The following STK39 variants were observed in gnomAD, a reference collection of about 807,000 sequenced individuals.
STK39 encodes the protein serine/threonine kinase 39, also known as STE20/SPS1-related proline-alanine-rich protein kinase.
STK39 carries 20 observed loss-of-function variants against 77.8 expected under a neutral mutation model. The observed-to-expected ratio is 0.26, with a 90% CI of 0.18 to 0.37. The LOEUF (loss-of-function observed/expected upper bound fraction) is 0.37. STK39 is among the 10% of genes least tolerant of loss of function. The pLI is 1.00. For missense variants in STK39, 479 were observed against 656.5 expected (o/e 0.73, Z 2.95); for synonymous variants, 246 against 234.1 (o/e 1.05, Z -0.47).
At chr2:168,135,104 G>C (rs1339663249) in intron 8 of STK39, among the ~76,000 whole-genome samples, 1 of 151,908 alleles carries the variant, frequency 6.6e-6, no homozygotes, top group Non-Finnish European at 1.5e-5. Context: ...AGGATAAGTG[G>C]CACAGGTTCT....
chr2:168,211,695 AC>A (rs1689895428), intron 1 of STK39, among the ~76,000 whole-genome samples: 1 of 152,228 alleles, frequency 6.6e-6, no homozygotes, highest in African/African-American at 2.4e-5. Context: ...GCCCTGTCTT[AC>A]GTCTCTGAGG....
At chr2:168,012,577 A>G (rs1684297849) in intron 16 of STK39, 57 bp downstream of exon 16, 1 of 1,452,426 alleles carries the variant, frequency 6.9e-7, no homozygotes. Flanking sequence ...TTGCTTCCAA[A>G]CACATTTCCA....
chr2:168,217,623 T>C (rs1690058309), intron 1 of STK39, among the ~76,000 whole-genome samples: 1 of 152,210 alleles, frequency 6.6e-6, no homozygotes, highest in Non-Finnish European at 1.5e-5. Flanking sequence ...GATGTAGTAT[T>C]TGCATATAAC....
At chr2:167,989,801 G>A (rs989693022) in intron 16 of STK39, among the ~76,000 whole-genome samples, 1 of 151,816 alleles carries the variant, frequency 6.6e-6, no homozygotes, top group African/African-American at 2.4e-5. Flanking sequence ...AGGAAATTCT[G>A]AACTAAAAAA....
intron 12 of STK39, among the ~76,000 whole-genome samples, chr2:168,069,197 T>A (rs960064907): frequency 4.6e-5 from 7 of 152,204 alleles, no homozygotes; most frequent in African/African-American, 1.4e-4. Flanking sequence ...ATTACAGGCA[T>A]GAGCCACTGC....
At chr2:168,043,002 G>C (rs1479458077) in intron 14 of STK39, among the ~76,000 whole-genome samples, 1 of 152,096 alleles carries the variant, frequency 6.6e-6, no homozygotes, top group Admixed American at 6.5e-5. Flanking sequence ...GGGGCAGGAG[G>C]GGGAAGCTAC....
intron 14 of STK39, among the ~76,000 whole-genome samples, chr2:168,054,250 G>A (rs1434562778): frequency 6.6e-6 from 1 of 152,220 alleles, no homozygotes; most frequent in Non-Finnish European, 1.5e-5. Context: ...CAGGGAAGAA[G>A]AACAAGGACC....
intron 1 of STK39, among the ~76,000 whole-genome samples, chr2:168,236,064 CCCA>C (rs1308781957): frequency 6.6e-6 from 1 of 151,736 alleles, no homozygotes; most frequent in Non-Finnish European, 1.5e-5. Flanking sequence ...AGTTTACAGT[CCCA>C]CCAACAGTGT....
chr2:168,031,108 T>C (rs1684822447), intron 14 of STK39, among the ~76,000 whole-genome samples: 1 of 152,146 alleles, frequency 6.6e-6, no homozygotes, highest in Admixed American at 6.5e-5. Flanking sequence ...CTGAAACTCC[T>C]CTGGCCTGCC....
chr2:167,996,761 T>C lies in STK39; in HGVS notation c.1498+15873A>G, dbSNP rs372442298. 5.9e-5 allele frequency among the ~76,000 whole-genome samples: 9 copies of C among 152,266 alleles called. No individual in the cohort carries two copies. In the East Asian group the frequency reaches 9.7e-4, roughly 16 times the overall value. On this transcript the variant is annotated intron_variant, in intron 16 of 17. Transcript: ENST00000355999. The stretch of plus-strand genomic sequence containing the variant: ...CCCCTGAAACTGGTGGAGATTCTTG[T>C]TATCAAGTATCAAAGAAAGAGGTAA...
intron 10 of STK39, among the ~76,000 whole-genome samples, chr2:168,103,427 CTG>C (rs1686888035): frequency 6.6e-6 from 1 of 152,224 alleles, no homozygotes; most frequent in Non-Finnish European, 1.5e-5. Flanking sequence ...TTTCATTAGA[CTG>C]TGTATTTTCC....
intron 1 of STK39, among the ~76,000 whole-genome samples, 167 bp downstream of exon 1, chr2:168,247,061 T>TTTAA (rs1213358903): frequency 2.2e-5 from 2 of 89,304 alleles, no homozygotes; most frequent in African/African-American, 9.2e-5. Context: ...CATTAAAAAT[T>TTTAA]AAAAAAAAAA....
Position 168,129,730 on chromosome 2 carries a change from T to G in STK39, c.1003A>C (p.Lys335Gln), listed in dbSNP as rs745570599. The change falls in exon 9 of 18, where the codon AAA becomes CAA. Residue 335 changes from lysine (K) to glutamine (Q), a missense_variant. Coordinates refer to ENST00000355999, the MANE Select transcript of STK39 (RefSeq NM_013233.3). ...RPTAAELLKC[K>Q]FFQKAKNREY... Reference sequence around the variant, plus strand: ...GTTACCTTGGCTTTCTGGAAGAATTTGCATTTTAAAAGTTCTGCTGCTGTG... The same window carrying G: ...GTTACCTTGGCTTTCTGGAAGAATTGGCATTTTAAAAGTTCTGCTGCTGTG... 4.3e-6 allele frequency: 7 copies of G among 1,614,062 alleles called. No individual in the cohort carries two copies. In the South Asian group the frequency reaches 7.7e-5, roughly 18 times the overall value.
intron 2 of STK39, among the ~76,000 whole-genome samples, chr2:168,169,232 A>G (rs1168019781): frequency 6.6e-6 from 1 of 152,150 alleles, no homozygotes; most frequent in Non-Finnish European, 1.5e-5. Context: ...TTCTGATGCC[A>G]TAAGACACTT....
At chr2:168,202,761 TA>T (rs553456641) in intron 1 of STK39, among the ~76,000 whole-genome samples, 76 of 144,972 alleles carry the variant, frequency 5.2e-4, no homozygotes, top group Admixed American at 8.9e-4. Context: ...CTAGAGAGAT[TA>T]AAAAAAAAAA....
chr2:168,127,126 T>C (rs1314679111), intron 10 of STK39, among the ~76,000 whole-genome samples: 4 of 152,192 alleles, frequency 2.6e-5, no homozygotes, highest in African/African-American at 9.7e-5. Context: ...AGCACACTAA[T>C]ATGTAATAAG....
intron 8 of STK39, among the ~76,000 whole-genome samples, chr2:168,132,668 C>T (rs1687729659): frequency 6.6e-6 from 1 of 152,176 alleles, no homozygotes; most frequent in Non-Finnish European, 1.5e-5. Flanking sequence ...TTCAAAGATA[C>T]CTCTCCTAGC....
intron 1 of STK39, among the ~76,000 whole-genome samples, chr2:168,209,996 C>CA (rs71003026): frequency 0.1 from 5,722 of 55,554 alleles, 518 homozygotes; most frequent in African/African-American, 0.26. Flanking sequence ...GACTCTATCT[C>CA]AAAAAAAAAA....
intron 1 of STK39, among the ~76,000 whole-genome samples, chr2:168,230,845 C>G (rs1366395706): frequency 6.6e-6 from 1 of 152,190 alleles, no homozygotes; most frequent in Non-Finnish European, 1.5e-5. Context: ...GAAATGCCCC[C>G]AAGTTCTTAT....
Sources: gnomAD v4.1 joint callset for allele counts (sites outside exome capture counted in the v4.1 genomes callset) on GRCh38, gnomAD v4.1.1 for gene constraint, MANE v1.5 for transcripts, NCBI Gene and HGNC (gene_info 2026-07-23, HGNC 2026-07-21) for gene names.